Variants in CELF2 observed in about 807,000 individuals in gnomAD.
CELF2 encodes the protein CUGBP Elav-like family member 2.
In CELF2, 8 loss-of-function variants were observed where a neutral mutation model predicts 62.6. That is an observed-to-expected ratio of 0.13 (90% CI 0.07 to 0.23). The LOEUF is 0.23. Ranked by LOEUF, CELF2 falls within the 10% of genes least tolerant of loss-of-function variation. CELF2 has a pLI of 1.00. For synonymous variants in CELF2, 258 were observed against 250.0 expected (o/e 1.03, Z -0.30); for missense variants, 333 against 671.0 (o/e 0.50, Z 5.56).
At chr10:10,599,328 G>C in the CELF2 span, among the ~76,000 whole-genome samples, 1 of 152,126 alleles carries the variant, frequency 6.6e-6, no homozygotes, top group Non-Finnish European at 1.5e-5. Context: ...AAGATTAAAA[G>C]AACTATATTC....
rs1300721238 is a variant in CELF2 at position 11,165,215 on chromosome 10, A to G, written c.75-271A>G. The G allele has an allele frequency of 1.5e-6, 2 of 1,299,806 alleles. No homozygotes were observed. The highest frequency in any genetic ancestry group is 3.5e-5 in the East Asian group (1 of 28,504). The allele number at this position is 1,299,806 out of a possible 1,614,324, so 80.5% of individuals were successfully genotyped here. ...TGCCTCCCGAGCCTCCAAGATGTCC[A>G]CGCCCTGGGTGACAGGCGGCAGGGC... On this transcript the variant is annotated intron_variant, in intron 1 of 12. Transcript: ENST00000633077. This position sits in a 1 kb window ranked among gnomAD's most constrained non-coding sequence, Gnocchi z 7.4.
chr10:10,573,336 G>A, the CELF2 span, among the ~76,000 whole-genome samples: 1 of 152,156 alleles, frequency 6.6e-6, no homozygotes, highest in Non-Finnish European at 1.5e-5. Context: ...TTCTTTGGCT[G>A]TGCAGAAGCT....
At chr10:11,272,897 G>C (rs1482062533) in intron 7 of CELF2, among the ~76,000 whole-genome samples, 1 of 152,162 alleles carries the variant, frequency 6.6e-6, no homozygotes, top group Non-Finnish European at 1.5e-5. Flanking sequence ...CATCTTCAAG[G>C]CTAGCTTAAT....
intron 9 of CELF2, among the ~76,000 whole-genome samples, chr10:11,308,439 C>T (rs891109617): frequency 1.3e-5 from 2 of 152,150 alleles, no homozygotes. Context: ...TTCATTTCTC[C>T]ATTCTTTTTT....
At chr10:11,278,855 C>T (rs1408381908) in intron 8 of CELF2, among the ~76,000 whole-genome samples, 1 of 152,168 alleles carries the variant, frequency 6.6e-6, no homozygotes, top group Non-Finnish European at 1.5e-5. Flanking sequence ...ACCGCATGGC[C>T]GGGCAACTGA....
intron 1 of CELF2, among the ~76,000 whole-genome samples, chr10:11,060,298 G>A (rs1345189057): frequency 1.3e-5 from 2 of 152,196 alleles, no homozygotes; most frequent in Admixed American, 6.5e-5. Flanking sequence ...ACAGCTCTGC[G>A]TGCACCGTTC....
the CELF2 span, among the ~76,000 whole-genome samples, chr10:10,792,044 A>AGGGAGGAAGGAAGGAGGGAGAGG: frequency 7.9e-6 from 1 of 126,584 alleles, no homozygotes; most frequent in Non-Finnish European, 1.7e-5. Flanking sequence ...GGAGGGAGAG[A>AGGGAGGAAGGAAGGAGGGAGAGG]GGGAGGAAGG....
intron 1 of CELF2, among the ~76,000 whole-genome samples, chr10:11,050,234 G>A (rs943663296): frequency 1.3e-5 from 2 of 152,204 alleles, no homozygotes; most frequent in African/African-American, 4.8e-5. Flanking sequence ...CGAACTCTTT[G>A]TCCGTGAAGT....
At chr10:10,935,890 G>A (rs1467942885) in intron 2 of CELF2, among the ~76,000 whole-genome samples, 1 of 151,782 alleles carries the variant, frequency 6.6e-6, no homozygotes, top group Non-Finnish European at 1.5e-5. Flanking sequence ...CTTGGATCAC[G>A]CCTGAAATCC....
At chr10:11,114,394 TACATA>T (rs1038358882) in intron 1 of CELF2, among the ~76,000 whole-genome samples, 28 of 152,204 alleles carry the variant, frequency 1.8e-4, no homozygotes, top group African/African-American at 6.0e-4. Flanking sequence ...TAGCAGTAAA[TACATA>T]ACATATCAAA....
chr10:10,587,199 C>A, the CELF2 span, among the ~76,000 whole-genome samples: 1 of 152,114 alleles, frequency 6.6e-6, no homozygotes, highest in Admixed American at 6.6e-5. Context: ...AGCAACAGAC[C>A]ACCCTTGGGC....
chr10:10,730,922 T>C, the CELF2 span, among the ~76,000 whole-genome samples: 1 of 152,230 alleles, frequency 6.6e-6, no homozygotes, highest in African/African-American at 2.4e-5. Flanking sequence ...GAGCTTGTGA[T>C]AAAATGCATG....
chr10:11,195,642 C>G (rs1432822687), intron 2 of CELF2, among the ~76,000 whole-genome samples: 6 of 152,168 alleles, frequency 3.9e-5, no homozygotes, highest in Non-Finnish European at 8.8e-5. Flanking sequence ...GTACCGTGAC[C>G]CAAGCTCTTT....
intron 1 of CELF2, among the ~76,000 whole-genome samples, chr10:10,799,954 G>A (rs187394676): frequency 5.1e-4 from 77 of 152,318 alleles, no homozygotes; most frequent in Middle Eastern, 3.4e-3. Flanking sequence ...GGCTTCATAG[G>A]AGCTAGACCA....
chr10:11,081,521 G>A (rs2074032274), intron 1 of CELF2, among the ~76,000 whole-genome samples: 1 of 152,158 alleles, frequency 6.6e-6, no homozygotes, highest in Non-Finnish European at 1.5e-5. Context: ...TACTTGAGGA[G>A]CCTGCTTTGC....
At chr10:10,700,941 A>G in the CELF2 span, among the ~76,000 whole-genome samples, 3 of 152,190 alleles carry the variant, frequency 2.0e-5, no homozygotes, top group Non-Finnish European at 4.4e-5. Context: ...TGACTCTCCT[A>G]CGCCTCCACC....
chr10:10,894,496 G>T (rs913850677), intron 1 of CELF2, among the ~76,000 whole-genome samples: 1 of 152,174 alleles, frequency 6.6e-6, no homozygotes, highest in Non-Finnish European at 1.5e-5. Context: ...ACAGATATAT[G>T]GCAAAGTTGA....
chr10:10,793,437 C>T (rs2053968770), upstream of CELF2, among the ~76,000 whole-genome samples: 1 of 152,122 alleles, frequency 6.6e-6, no homozygotes, highest in East Asian at 1.9e-4. Flanking sequence ...ACAGTGGGAG[C>T]TGATGCTTGG....
Position 11,190,324 on chromosome 10 carries a change from C to T in CELF2, c.271+24642C>T, listed in dbSNP as rs542455794. On this transcript the variant is annotated intron_variant, in intron 2 of 12. Transcript: ENST00000633077. ...ATTAGGTATTGATGAAATTTTGGCCCGATGATAAAGAATATCTTAGGCTAA... is the reference window on the plus strand; with the variant it reads ...ATTAGGTATTGATGAAATTTTGGCCTGATGATAAAGAATATCTTAGGCTAA... 5.5e-5 allele frequency among the ~76,000 whole-genome samples: 8 copies of T among 144,694 alleles called. No individual in the cohort carries two copies. The East Asian group carries it at 1.5e-3, about 27-fold the overall frequency. 94.9% of individuals were successfully genotyped at this position (144,694 alleles called of 152,430 possible).
Sources: allele counts gnomAD v4.1 joint callset (sites outside exome capture counted in the v4.1 genomes callset), GRCh38; gene constraint gnomAD v4.1.1; non-coding constraint Gnocchi (gnomAD v3.1); transcripts MANE v1.5; gene names NCBI Gene and HGNC (gene_info 2026-07-23, HGNC 2026-07-21).